PACRG: variants seen among roughly 807,000 people sequenced by gnomAD.
The protein encoded by PACRG is parkin coregulated.
PACRG carries 29 observed loss-of-function variants against 29.7 expected under a neutral mutation model. The ratio of observed to expected loss-of-function variants is 0.98; its 90% confidence interval spans 0.73 to 1.33. The LOEUF is 1.33. PACRG is among the 40% of genes most tolerant of loss of function. The pLI is 0.00. For synonymous variants in PACRG, 116 were observed against 118.7 expected (o/e 0.98, Z 0.15); for missense variants, 279 against 316.2 (o/e 0.88, Z 0.89).
intron 2 of PACRG, among the ~76,000 whole-genome samples, chr6:163,017,930 C>T (rs1186422716): frequency 6.6e-6 from 1 of 152,040 alleles, no homozygotes; most frequent in Non-Finnish European, 1.5e-5. Flanking sequence ...ATGAGTAAGA[C>T]TCAAATTCAG....
At chr6:162,752,109 C>T (rs770556311) in intron 1 of PACRG, among the ~76,000 whole-genome samples, 3 of 152,144 alleles carry the variant, frequency 2.0e-5, no homozygotes, top group East Asian at 1.9e-4. Context: ...CAAGAAGACA[C>T]GAAACAAGTT....
intron 4 of PACRG, among the ~76,000 whole-genome samples, chr6:163,291,809 TG>T (rs1784619577): frequency 6.6e-6 from 1 of 152,140 alleles, no homozygotes. Context: ...CAGGAAGAAA[TG>T]ACTCAAGGCC....
chr6:163,006,146 T>A, intron 2 of PACRG, among the ~76,000 whole-genome samples: 1 of 140,188 alleles, frequency 7.1e-6, no homozygotes, highest in South Asian at 2.1e-4. Context: ...TATTATTATA[T>A]ATAATATATT....
chr6:163,058,435 A>G (rs536281923), intron 2 of PACRG, among the ~76,000 whole-genome samples: 1 of 152,316 alleles, frequency 6.6e-6, no homozygotes, highest in Admixed American at 6.5e-5. Flanking sequence ...CATATTTGCA[A>G]TGACAACAGA....
chr6:163,203,657 G>T (rs964261994), intron 4 of PACRG, among the ~76,000 whole-genome samples: 1 of 152,172 alleles, frequency 6.6e-6, no homozygotes, highest in East Asian at 1.9e-4. Flanking sequence ...TGAATCCATA[G>T]GACAATAATA....
At chr6:163,165,916 A>G (rs1235236167) in intron 4 of PACRG, 1 of 362,928 alleles carries the variant, frequency 2.8e-6, no homozygotes, top group African/African-American at 2.1e-5. Context: ...CTAAGGCACC[A>G]TTAGCCATTC....
At position 163,067,137 on chromosome 6, in the gene PACRG, G is replaced by A. The variant is rs533951084; in HGVS notation, c.463+4816G>A. Among the ~76,000 whole-genome samples the A allele has an allele frequency of 2.8e-4, 43 of 152,212 alleles. No individual in the cohort carries two copies. In the East Asian group the frequency reaches 3.3e-3, roughly 12 times the overall value. On this transcript the variant is annotated intron_variant, in intron 3 of 4. Coordinates refer to ENST00000366888, the MANE Select transcript of PACRG (RefSeq NM_001080379.2). ...ACCAACCCAAGTGAACAGCCTTCCT[G>A]CTGTAGCACCGCTTCCCAAGCTTCA...
intron 1 of PACRG, among the ~76,000 whole-genome samples, chr6:162,774,344 T>C (rs2128306290): frequency 6.6e-6 from 1 of 152,266 alleles, no homozygotes; most frequent in East Asian, 1.9e-4. Context: ...AAAATCAAAA[T>C]GTTTAGCCAA....
intron 3 of PACRG, among the ~76,000 whole-genome samples, chr6:163,067,512 T>G (rs1411048789): frequency 6.6e-6 from 1 of 152,212 alleles, no homozygotes; most frequent in Non-Finnish European, 1.5e-5. Context: ...ATAGATAGTA[T>G]GCATATGAGG....
chr6:163,264,706 G>A (rs1562346602), intron 4 of PACRG, among the ~76,000 whole-genome samples: 1 of 152,132 alleles, frequency 6.6e-6, no homozygotes, highest in Non-Finnish European at 1.5e-5. Flanking sequence ...GGAAAATAGG[G>A]GGTGAAACTG....
At chr6:163,044,341 A>T (rs928748319) in intron 2 of PACRG, among the ~76,000 whole-genome samples, 4 of 151,842 alleles carry the variant, frequency 2.6e-5, no homozygotes, top group Non-Finnish European at 5.9e-5. Context: ...CTGATTTTTA[A>T]ATTTTTTTGT....
chr6:163,062,084 A>G, intron 2 of PACRG, 66 bp from the exon 3 acceptor site: 1 of 1,548,540 alleles, frequency 6.5e-7, no homozygotes, highest in Non-Finnish European at 8.8e-7. Context: ...ACAGCTGCAT[A>G]GCTTGTCTGC....
chr6:163,005,835 A>G (rs940481699), intron 2 of PACRG, among the ~76,000 whole-genome samples: 1 of 148,492 alleles, frequency 6.7e-6, no homozygotes, highest in African/African-American at 2.5e-5. Context: ...TATATATACA[A>G]CATAGTTATA....
intron 2 of PACRG, among the ~76,000 whole-genome samples, chr6:163,017,747 A>G (rs752213863): frequency 7.9e-5 from 12 of 152,220 alleles, no homozygotes; most frequent in Non-Finnish European, 1.3e-4. Flanking sequence ...AGAGGACAAT[A>G]TGTAATTTAG....
At chr6:163,081,450 C>G (rs1197072345) in intron 3 of PACRG, among the ~76,000 whole-genome samples, 1 of 152,080 alleles carries the variant, frequency 6.6e-6, no homozygotes, top group Non-Finnish European at 1.5e-5. Flanking sequence ...ATTAATGCCA[C>G]TAAATTGTAT....
At chr6:163,123,611 C>G (rs1459557309) in intron 4 of PACRG, among the ~76,000 whole-genome samples, 1 of 152,132 alleles carries the variant, frequency 6.6e-6, no homozygotes, top group Non-Finnish European at 1.5e-5. Context: ...TGGAACTTAT[C>G]TTGTGTAACT....
At chr6:162,779,035 G>C (rs916020940) in intron 1 of PACRG, among the ~76,000 whole-genome samples, 10 of 152,066 alleles carry the variant, frequency 6.6e-5, no homozygotes, top group African/African-American at 2.4e-4. Flanking sequence ...CCCTCCCTCT[G>C]CTCCACTGAC....
intron 2 of PACRG, among the ~76,000 whole-genome samples, chr6:162,913,628 C>A (rs1310282282): frequency 6.6e-6 from 1 of 152,140 alleles, no homozygotes; most frequent in Non-Finnish European, 1.5e-5. Context: ...CTTTCTAAGA[C>A]ATTGTCAAGT....
intron 2 of PACRG, among the ~76,000 whole-genome samples, chr6:162,852,713 A>G (rs1791028927): frequency 6.6e-6 from 1 of 152,252 alleles, no homozygotes; most frequent in African/African-American, 2.4e-5. Context: ...TATTTTATAG[A>G]AGGAAGCACA....
Sources: gnomAD v4.1 joint callset for allele counts (sites outside exome capture counted in the v4.1 genomes callset) on GRCh38, gnomAD v4.1.1 for gene constraint, MANE v1.5 for transcripts, NCBI Gene and HGNC (gene_info 2026-07-23, HGNC 2026-07-21) for gene names.